MGAT5: variants seen among roughly 807,000 people sequenced by gnomAD.
MGAT5 encodes alpha-1,6-mannosylglycoprotein 6-beta-N-acetylglucosaminyltransferase A.
In MGAT5, 30 loss-of-function variants were observed where a neutral mutation model predicts 94.3. The ratio of observed to expected loss-of-function variants is 0.32; its 90% CI spans 0.24 to 0.43. The LOEUF is 0.43. Ranked by LOEUF, MGAT5 falls within the 20% of genes least tolerant of loss-of-function variation. The probability of loss-of-function intolerance (pLI) is 1.00; values close to 1 mark genes in which losing one functional copy is unlikely to be tolerated. For missense variants in MGAT5, 691 were observed against 905.5 expected (o/e 0.76, Z 3.04); for synonymous variants, 310 against 322.9 (o/e 0.96, Z 0.43).
intron 14 of MGAT5, among the ~76,000 whole-genome samples, chr2:134,438,996 C>A (rs947343390): frequency 2.0e-5 from 3 of 152,168 alleles, no homozygotes; most frequent in African/African-American, 7.2e-5. Flanking sequence ...AAAACTCATT[C>A]GGGCTGGAGT....
intron 1 of MGAT5, among the ~76,000 whole-genome samples, chr2:134,246,778 T>TTGATTC (rs113610593): frequency 0.017 from 2,627 of 152,370 alleles, 36 homozygotes; most frequent in African/African-American, 0.031. Flanking sequence ...GGGTGCTGGT[T>TTGATTC]TGATTCTAAC....
intron 9 of MGAT5, among the ~76,000 whole-genome samples, chr2:134,352,573 A>T (rs779570837): frequency 4.8e-4 from 73 of 152,316 alleles, no homozygotes; most frequent in Non-Finnish European, 9.9e-4. Flanking sequence ...AACTAATAAA[A>T]ATGATTGCCA....
chr2:134,138,286 A>G (rs908396028), intron 1 of MGAT5, among the ~76,000 whole-genome samples: 2 of 151,756 alleles, frequency 1.3e-5, no homozygotes, highest in African/African-American at 4.8e-5. Context: ...TTCAGTCTGT[A>G]GGATCTCTGA....
At chr2:134,442,666 G>A (rs958299140) in intron 15 of MGAT5, among the ~76,000 whole-genome samples, 4 of 152,160 alleles carry the variant, frequency 2.6e-5, no homozygotes, top group Non-Finnish European at 4.4e-5. Context: ...TTGGCATTTT[G>A]AGTTGGGCAT....
At chr2:134,336,608 T>C (rs1333329208) in intron 5 of MGAT5, among the ~76,000 whole-genome samples, 1 of 152,136 alleles carries the variant, frequency 6.6e-6, no homozygotes, top group East Asian at 1.9e-4. Context: ...TGCTGTAATA[T>C]AGGCCTGTGG....
At position 134,449,549 on chromosome 2, in the gene MGAT5, G is replaced by C. The variant is rs1344066969; in HGVS notation, c.*702G>C. 1 of 152,544 alleles carries C rather than the reference G, an allele frequency of 6.6e-6. No individual in the cohort carries two copies. Among genetic ancestry groups the C allele is most frequent in the Non-Finnish European group, 1.5e-5 (1 of 68,322 alleles). 9.4% of individuals were successfully genotyped at this position (152,544 alleles called of 1,614,324 possible). A position where few individuals can be genotyped will look rare whatever the true frequency, so the allele number is the denominator to read the frequency against. On this transcript the variant is annotated 3_prime_UTR_variant, in exon 16 of 16. Coordinates refer to ENST00000281923, the MANE Select transcript of MGAT5 (RefSeq NM_002410.5). ...CTGCCTCAGTCAGGGGGACGTGCCT[G>C]TGTTGTCCAGAGAGCCCAGCCAGGG...
intron 2 of MGAT5, among the ~76,000 whole-genome samples, chr2:134,308,294 G>A (rs1403655075): frequency 6.6e-6 from 1 of 152,130 alleles, no homozygotes; most frequent in Admixed American, 6.5e-5. Flanking sequence ...AAACTAAGTT[G>A]CTGCAACAAA....
intron 1 of MGAT5, among the ~76,000 whole-genome samples, chr2:134,247,953 C>T (rs1355410200): frequency 6.6e-6 from 1 of 152,112 alleles, no homozygotes; most frequent in Non-Finnish European, 1.5e-5. Context: ...GGGTATTTTC[C>T]CCTCCATCCC....
intron 1 of MGAT5, among the ~76,000 whole-genome samples, chr2:134,135,467 G>A (rs1211078598): frequency 4.6e-5 from 7 of 152,122 alleles, no homozygotes; most frequent in Non-Finnish European, 1.0e-4. Context: ...GCAGAGGCGG[G>A]CGGATCACGA....
At chr2:134,236,969 A>G (rs1681670855) in intron 1 of MGAT5, among the ~76,000 whole-genome samples, 1 of 152,144 alleles carries the variant, frequency 6.6e-6, no homozygotes. Flanking sequence ...TGTGGAAGAT[A>G]CTCTAATGTC....
At chr2:134,343,646 G>A (rs1458273896) in intron 7 of MGAT5, among the ~76,000 whole-genome samples, 4 of 152,172 alleles carry the variant, frequency 2.6e-5, no homozygotes, top group East Asian at 3.9e-4. Context: ...GTAGGACACA[G>A]CCATAAGTAT....
intron 10 of MGAT5, among the ~76,000 whole-genome samples, chr2:134,395,698 G>T (rs1682665250): frequency 6.6e-6 from 1 of 152,176 alleles, no homozygotes; most frequent in Admixed American, 6.5e-5. Context: ...GCAAATACAG[G>T]ACCATTGCTC....
At chr2:134,245,106 G>A (rs1427409688) in intron 1 of MGAT5, among the ~76,000 whole-genome samples, 4 of 152,132 alleles carry the variant, frequency 2.6e-5, no homozygotes, top group Admixed American at 6.5e-5. Flanking sequence ...TCCGTCTCCC[G>A]GGTTCACGCC....
intron 15 of MGAT5, among the ~76,000 whole-genome samples, chr2:134,442,565 G>A (rs1438401275): frequency 1.3e-5 from 2 of 152,174 alleles, no homozygotes; most frequent in Non-Finnish European, 2.9e-5. Context: ...CACTGGGAAT[G>A]CTGGCCCAGG....
chr2:134,402,707 CCTCTTG>C (rs1558860446), intron 10 of MGAT5, among the ~76,000 whole-genome samples: 1 of 152,234 alleles, frequency 6.6e-6, no homozygotes, highest in Non-Finnish European at 1.5e-5. Context: ...TAATGTATTT[CCTCTTG>C]CAAAATTATA....
At chr2:134,180,121 A>G (rs1688665421) in intron 1 of MGAT5, among the ~76,000 whole-genome samples, 1 of 152,248 alleles carries the variant, frequency 6.6e-6, no homozygotes, top group Admixed American at 6.5e-5. Context: ...CCTTTCCCAG[A>G]AAATATTTCA....
In MGAT5 at chr2:134,318,730, C is replaced by T. The variant is rs1573787395; in HGVS notation, c.564C>T (p.Tyr188=). 2.5e-6 allele frequency: 4 copies of T among 1,612,094 alleles called. No individual in the cohort carries two copies. The highest frequency in any genetic ancestry group is 3.4e-6 in the Non-Finnish European group (4 of 1,178,376). Reference sequence around the variant, plus strand: ...GATCCACCTGCTCTTTTTTTATTTACCTCAGTGAGGTGAGTAGCTTTCTGT... The same window carrying T: ...GATCCACCTGCTCTTTTTTTATTTATCTCAGTGAGGTGAGTAGCTTTCTGT... The part of the protein sequence containing the change: ...VDGSTCSFFI[Y]LSEVENWCPH... The change falls in exon 4 of 16, where the codon TAC becomes TAT. Residue 188 remains tyrosine (Y), a synonymous_variant. Transcript: ENST00000281923.
intron 10 of MGAT5, among the ~76,000 whole-genome samples, chr2:134,375,778 G>T (rs1681128790): frequency 6.6e-6 from 1 of 152,328 alleles, no homozygotes; most frequent in East Asian, 1.9e-4. Flanking sequence ...TTGTCCACAT[G>T]TGGGTTGGGG....
intron 2 of MGAT5, among the ~76,000 whole-genome samples, chr2:134,273,379 A>G (rs1329978635): frequency 6.6e-6 from 1 of 152,152 alleles, no homozygotes; most frequent in Non-Finnish European, 1.5e-5. Context: ...ATCCTCGCCA[A>G]GTAAAGTTTT....
Sources: gnomAD v4.1 joint callset for allele counts (sites outside exome capture counted in the v4.1 genomes callset) on GRCh38, gnomAD v4.1.1 for gene constraint, MANE v1.5 for transcripts, NCBI Gene and HGNC (gene_info 2026-07-23, HGNC 2026-07-21) for gene names.